Variants in CNTFR observed in about 807,000 individuals in gnomAD.
CNTFR encodes the protein ciliary neurotrophic factor receptor subunit alpha.
Under a neutral mutation model 40.4 loss-of-function variants are expected in CNTFR, and 12 were observed. The ratio of observed to expected loss-of-function variants is 0.30; its 90% CI spans 0.19 to 0.48. The LOEUF (loss-of-function observed/expected upper bound fraction) is 0.48. Ranked by LOEUF, CNTFR falls within the 20% of genes least tolerant of loss-of-function variation. The probability of loss-of-function intolerance (pLI) is 0.99; values close to 1 mark genes in which losing one functional copy is unlikely to be tolerated. For missense variants in CNTFR, 414 were observed against 506.8 expected (o/e 0.82, Z 1.76); for synonymous variants, 202 against 209.6 (o/e 0.96, Z 0.31).
At chr9:34,566,865 A>G (rs1826320991) in intron 3 of CNTFR, among the ~76,000 whole-genome samples, 2 of 152,188 alleles carry the variant, frequency 1.3e-5, no homozygotes, top group African/African-American at 4.8e-5. Flanking sequence ...TCTGCTGCAC[A>G]AAAAAAGTAG....
chr9:34,585,156 G>C (rs1827484918), intron 1 of CNTFR, among the ~76,000 whole-genome samples: 1 of 152,210 alleles, frequency 6.6e-6, no homozygotes, highest in Non-Finnish European at 1.5e-5. Flanking sequence ...GTTCACACAA[G>C]AATGCCTTCC....
intron 3 of CNTFR, 108 bp from the exon 4 acceptor site, chr9:34,564,940 G>A (rs180936314): frequency 1.2e-5 from 10 of 859,974 alleles, no homozygotes; most frequent in Admixed American, 2.1e-5. Context: ...GAGTGAGGAC[G>A]AGAGGCTCGG....
chr9:34,561,664 G>T (rs958217183), intron 4 of CNTFR, among the ~76,000 whole-genome samples: 2 of 152,188 alleles, frequency 1.3e-5, no homozygotes, highest in Non-Finnish European at 2.9e-5. Flanking sequence ...GCATGTGTTT[G>T]GGATAAATAT....
intron 4 of CNTFR, 121 bp downstream of exon 4, chr9:34,564,478 G>C (rs1162965842): frequency 1.1e-6 from 1 of 937,096 alleles, no homozygotes; most frequent in Non-Finnish European, 1.7e-6. Flanking sequence ...CAGAGGGCAA[G>C]GGTCAGGCTG....
At position 34,555,193 on chromosome 9, in the gene CNTFR, C is replaced by T. The variant is rs554590381; in HGVS notation, c.768+1062G>A. Among the ~76,000 whole-genome samples, 56 of 152,292 alleles carry T rather than the reference C, an allele frequency of 3.7e-4. 1 individual carries two copies. The South Asian group carries it at 5.6e-3, about 15-fold the overall frequency. ...CCCTGGTTATTAGCAATGCATTAGGCGCGGGCAGCTGGCCAGGCGGGAGGG... is the reference window on the plus strand; with the variant it reads ...CCCTGGTTATTAGCAATGCATTAGGTGCGGGCAGCTGGCCAGGCGGGAGGG... On this transcript the variant is annotated intron_variant, in intron 7 of 9. Transcript: ENST00000378980.
chr9:34,575,454 C>T (rs1211661853), intron 2 of CNTFR, among the ~76,000 whole-genome samples: 2 of 151,884 alleles, frequency 1.3e-5, no homozygotes, highest in East Asian at 1.9e-4. Flanking sequence ...AGGAAAGGCC[C>T]GAAGCGGACG....
At chr9:34,562,951 C>T (rs1367197636) in intron 4 of CNTFR, among the ~76,000 whole-genome samples, 1 of 152,204 alleles carries the variant, frequency 6.6e-6, no homozygotes, top group Non-Finnish European at 1.5e-5. Flanking sequence ...CCATCGACCT[C>T]TTTAAATGCT....
At chr9:34,555,817 G>A (rs1825808915) in intron 7 of CNTFR, among the ~76,000 whole-genome samples, 1 of 152,016 alleles carries the variant, frequency 6.6e-6, no homozygotes, top group Non-Finnish European at 1.5e-5. Flanking sequence ...CTGGGCCAGA[G>A]TGTAAAGAGG....
At chr9:34,553,207 C>T (rs2132113688) in intron 7 of CNTFR, among the ~76,000 whole-genome samples, 1 of 152,256 alleles carries the variant, frequency 6.6e-6, no homozygotes, top group Non-Finnish European at 1.5e-5. Context: ...CGACCACAGT[C>T]CCAGCCTGGA....
At chr9:34,565,751 C>T (rs1301987872) in intron 3 of CNTFR, among the ~76,000 whole-genome samples, 1 of 152,172 alleles carries the variant, frequency 6.6e-6, no homozygotes, top group Admixed American at 6.5e-5. Flanking sequence ...CGACAGGCAG[C>T]ACGAAGTGGG....
At chr9:34,580,632 G>A (rs1265733603) in intron 2 of CNTFR, among the ~76,000 whole-genome samples, 2 of 152,226 alleles carry the variant, frequency 1.3e-5, no homozygotes, top group Admixed American at 6.5e-5. Flanking sequence ...CAATCCAGGG[G>A]CCTTGCCTGG....
intron 3 of CNTFR, among the ~76,000 whole-genome samples, chr9:34,565,237 G>A (rs1382303186): frequency 2.6e-5 from 4 of 151,966 alleles, no homozygotes; most frequent in African/African-American, 9.7e-5. Flanking sequence ...CACAGGCCCA[G>A]CCCAGTTACT....
In CNTFR at chr9:34,589,118, C is replaced by T. The variant is rs998895959; in HGVS notation, c.-112+437G>A. Among the ~76,000 whole-genome samples the T allele has an allele frequency of 6.6e-6, 1 of 152,124 alleles. No individual in the cohort carries two copies. Among genetic ancestry groups the T allele is most frequent in the South Asian group, 2.1e-4 (1 of 4,826 alleles). On this transcript the variant is annotated intron_variant, in intron 1 of 9. Coordinates refer to ENST00000378980, the MANE Select transcript of CNTFR (RefSeq NM_147164.3). This position sits in a 1 kb window ranked among gnomAD's most constrained non-coding sequence, Gnocchi z 4.4. The stretch of plus-strand genomic sequence containing the variant: ...ACGGACACACATGCACTGGCAGACG[C>T]GCAACCGTCGGTTCGCATCCCCGGG...
intron 2 of CNTFR, among the ~76,000 whole-genome samples, chr9:34,577,822 G>A (rs1827058698): frequency 6.7e-6 from 1 of 149,244 alleles, no homozygotes; most frequent in African/African-American, 2.5e-5. Context: ...GGGGCTGGGG[G>A]GAGAGACAGA....
chr9:34,561,759 A>G lies in CNTFR; in HGVS notation c.319+2840T>C, dbSNP rs1027123452. On this transcript the variant is annotated intron_variant, in intron 4 of 9. Transcript: ENST00000378980. ...GAGCTGGCAGGAAGGATAATTTGAT[A>G]CTGAGTGTTGCCAAAGCCAGTCTCT... 5.9e-5 allele frequency among the ~76,000 whole-genome samples: 9 copies of G among 152,252 alleles called. 1 individual carries two copies. The highest frequency in any genetic ancestry group is 4.6e-4 in the Admixed American group (7 of 15,282).
chr9:34,590,592 A>T (rs1264795786), upstream of CNTFR, among the ~76,000 whole-genome samples: 1 of 151,368 alleles, frequency 6.6e-6, no homozygotes, highest in Non-Finnish European at 1.5e-5. Context: ...CAACACCACT[A>T]CTCGCATGTT....
chr9:34,563,401 G>A lies in CNTFR; in HGVS notation c.319+1198C>T, dbSNP rs79528544. Among the ~76,000 whole-genome samples the A allele has an allele frequency of 1.9e-4, 29 of 152,322 alleles. No individual in the cohort carries two copies. In the East Asian group the frequency reaches 5.2e-3, roughly 27 times the overall value. On this transcript the variant is annotated intron_variant, in intron 4 of 9. Coordinates refer to ENST00000378980, the MANE Select transcript of CNTFR (RefSeq NM_147164.3). The stretch of plus-strand genomic sequence containing the variant: ...ACACATCCCAGCTCCCTCACCCTCA[G>A]GCAGGGCAACTCAGGTGCACGTTCT...
chr9:34,590,508 G>C (rs988751778), upstream of CNTFR, among the ~76,000 whole-genome samples: 1 of 152,236 alleles, frequency 6.6e-6, no homozygotes, highest in African/African-American at 2.4e-5. Context: ...TCGCGCGGGG[G>C]AAAGGGGCTT....
intron 2 of CNTFR, among the ~76,000 whole-genome samples, chr9:34,577,303 G>A (rs765608131): frequency 2.6e-5 from 4 of 152,228 alleles, no homozygotes; most frequent in South Asian, 2.1e-4. Context: ...GGAGCCTGAC[G>A]TGACTCCACG....
Sources: gnomAD v4.1 joint callset for allele counts (sites outside exome capture counted in the v4.1 genomes callset) on GRCh38, gnomAD v4.1.1 for gene constraint, Gnocchi (gnomAD v3.1) non-coding constraint, MANE v1.5 for transcripts, NCBI Gene and HGNC (gene_info 2026-07-23, HGNC 2026-07-21) for gene names.